SCUBE1: variants seen among roughly 807,000 people sequenced by gnomAD.
SCUBE1 encodes signal peptide, CUB and EGF-like domain-containing protein 1.
In SCUBE1, 59 loss-of-function variants were observed where a neutral mutation model predicts 124.4. The ratio of observed to expected loss-of-function variants is 0.47; its 90% confidence interval spans 0.38 to 0.59. The LOEUF (loss-of-function observed/expected upper bound fraction) is 0.59. Among genes scored for constraint, SCUBE1 ranks in the 20% least tolerant of loss-of-function variants. The probability of loss-of-function intolerance (pLI) is 0.00; values close to 1 mark genes in which losing one functional copy is unlikely to be tolerated. For synonymous variants in SCUBE1, 545 were observed against 550.9 expected (o/e 0.99, Z 0.15); for missense variants, 1,150 against 1,371.2 (o/e 0.84, Z 2.55).
chr22:43,203,996 G>C lies in SCUBE1; in HGVS notation c.*1C>G. ...CCCCCAGGCAGGGCCGCTCCCCCCG[G>C]TTATTTGTAGGGCCGCAGGAACCGA... On this transcript the variant is annotated 3_prime_UTR_variant, in exon 22 of 22. Coordinates refer to ENST00000360835, the MANE Select transcript of SCUBE1 (RefSeq NM_173050.5). The C allele has an allele frequency of 6.2e-7, 1 of 1,614,104 alleles. No homozygotes were observed. Among genetic ancestry groups the C allele is most frequent in the Non-Finnish European group, 8.5e-7 (1 of 1,179,998 alleles).
chr22:43,302,861 C>T (rs182459407), intron 3 of SCUBE1, among the ~76,000 whole-genome samples: 3 of 152,348 alleles, frequency 2.0e-5, no homozygotes, highest in South Asian at 2.1e-4. Context: ...AACGCTCCCA[C>T]GGGACGCTTA....
chr22:43,204,071 T>TGAA lies in SCUBE1; in HGVS notation c.2892_2893insTTC (p.Ser964_Lys965insPhe). 6.2e-7 allele frequency: 1 copy of TGAA among 1,614,024 alleles called. No individual in the cohort carries two copies. Among genetic ancestry groups the TGAA allele is most frequent in the South Asian group, 1.1e-5 (1 of 91,076 alleles). On this transcript the variant is annotated inframe_insertion, in exon 22 of 22. Coordinates refer to ENST00000360835, the MANE Select transcript of SCUBE1 (RefSeq NM_173050.5). ...ATGAAGGACCGTGGGAACATCTCCT[T>TGAA]GGATTCCTGGGCTGTGTACTTGAAG...
chr22:43,339,555 C>T (rs140234506), intron 1 of SCUBE1, among the ~76,000 whole-genome samples: 178 of 151,836 alleles, frequency 1.2e-3, no homozygotes, highest in African/African-American at 3.9e-3. Flanking sequence ...CCTCCTCCTC[C>T]GTCTGTCCTA....
At chr22:43,229,281 T>A (rs761542433) in intron 8 of SCUBE1, 93 bp from the exon 9 acceptor site, 1 of 892,650 alleles carries the variant, frequency 1.1e-6, no homozygotes, top group Non-Finnish European at 1.9e-6. Context: ...AAGGCACATC[T>A]GTGGACACAC....
At chr22:43,289,482 A>G (rs1427112028) in intron 4 of SCUBE1, among the ~76,000 whole-genome samples, 2 of 152,254 alleles carry the variant, frequency 1.3e-5, no homozygotes, top group African/African-American at 4.8e-5. Flanking sequence ...AGCCATGATT[A>G]GCAGGCCCGT....
intron 3 of SCUBE1, chr22:43,317,066 C>A (rs1467853396): frequency 2.0e-5 from 3 of 152,136 alleles, no homozygotes; most frequent in Non-Finnish European, 2.9e-5. Flanking sequence ...CCATAAAAAA[C>A]CAAATGGTCG....
intron 10 of SCUBE1, among the ~76,000 whole-genome samples, chr22:43,224,651 G>A (rs9623784): frequency 0.092 from 14,043 of 152,126 alleles, 940 homozygotes; most frequent in East Asian, 0.37. Context: ...TCCTCAGGGC[G>A]CTCCTGTTCT....
chr22:43,326,584 G>A (rs1249867890), intron 2 of SCUBE1, among the ~76,000 whole-genome samples: 1 of 152,152 alleles, frequency 6.6e-6, no homozygotes, highest in Admixed American at 6.5e-5. Context: ...GACAATGCCA[G>A]AAGTGGGCCC....
At chr22:43,290,396 G>C (rs12053791) in intron 4 of SCUBE1, among the ~76,000 whole-genome samples, 39,445 of 152,028 alleles carry the variant, frequency 0.26, 6,768 homozygotes, top group East Asian at 0.5. Context: ...GCCCTGAGCC[G>C]AAACTCCAGG....
At position 43,202,487 on chromosome 22, in the gene SCUBE1, G is replaced by A. The variant is rs1464862147; in HGVS notation, c.*1510C>T. ...ACAGCTCGCAGGCAGATGAAGAGCA[G>A]GCAAGGCCTCCTGGACCTCGGCATG... On this transcript the variant is annotated 3_prime_UTR_variant, in exon 22 of 22. Transcript: ENST00000360835. 1 of 152,226 alleles carries A rather than the reference G, an allele frequency of 6.6e-6. No individual in the cohort carries two copies. The highest frequency in any genetic ancestry group is 1.5e-5 in the Non-Finnish European group (1 of 68,054). 9.4% of individuals were successfully genotyped at this position (152,226 alleles called of 1,614,324 possible). A position where few individuals can be genotyped will look rare whatever the true frequency, so the allele number is the denominator to read the frequency against.
rs201636273 is a variant in SCUBE1 at position 43,223,120 on chromosome 22, G to A, written c.1304C>T (p.Pro435Leu). The A allele has an allele frequency of 8.6e-5, 134 of 1,552,252 alleles. No individual in the cohort carries two copies. The highest frequency in any genetic ancestry group is 5.1e-4 in the Middle Eastern group (3 of 5,880). Residue 435 changes from proline to leucine, a missense_variant, in exon 11 of 22, where the codon CCG becomes CTG. Pro to Leu is a moderately conservative substitution (Grantham distance 98). Coordinates refer to ENST00000360835, the MANE Select transcript of SCUBE1 (RefSeq NM_173050.5). The part of the protein sequence containing the change: ...GGVESCFLSC[P>L]AHTLFVPDSE... ...ACCTGGCACGAAGAGTGTGTGAGCC[G>A]GGCAGGAAAGGAAGCAGCTCTCCAC...
chr22:43,242,624 G>A (rs1923050505), intron 6 of SCUBE1, among the ~76,000 whole-genome samples: 1 of 152,218 alleles, frequency 6.6e-6, no homozygotes, highest in Non-Finnish European at 1.5e-5. Flanking sequence ...CACTTGTGGA[G>A]GGCGGCTCAG....
chr22:43,300,937 G>A (rs1241229617), intron 3 of SCUBE1, among the ~76,000 whole-genome samples: 2 of 152,162 alleles, frequency 1.3e-5, no homozygotes, highest in Non-Finnish European at 2.9e-5. Context: ...CTGCGGGCGT[G>A]ACAGACTTCA....
intron 20 of SCUBE1, 93 bp downstream of exon 20, chr22:43,207,979 G>C: frequency 1.4e-6 from 2 of 1,414,488 alleles, no homozygotes; most frequent in Non-Finnish European, 2.0e-6. Context: ...CCAGGTCGCA[G>C]CTCCCTGAGG....
chr22:43,259,260 C>G (rs930862313), intron 5 of SCUBE1, among the ~76,000 whole-genome samples: 1 of 152,216 alleles, frequency 6.6e-6, no homozygotes, highest in Non-Finnish European at 1.5e-5. Flanking sequence ...GACAGCTGCA[C>G]GCCCATCATC....
intron 6 of SCUBE1, among the ~76,000 whole-genome samples, chr22:43,254,115 C>T (rs1390905339): frequency 6.6e-6 from 1 of 152,272 alleles, no homozygotes; most frequent in Non-Finnish European, 1.5e-5. Flanking sequence ...CTGCCCAAGT[C>T]AACAAGACAG....
intron 10 of SCUBE1, 87 bp from the exon 11 acceptor site, chr22:43,223,303 G>C (rs1922177500): frequency 7.0e-7 from 1 of 1,425,950 alleles, no homozygotes; most frequent in African/African-American, 1.5e-5. Flanking sequence ...GGCCTAATGG[G>C]GACTCCCCCA....
intron 2 of SCUBE1, among the ~76,000 whole-genome samples, chr22:43,324,587 T>G (rs1926660029): frequency 6.6e-6 from 1 of 152,108 alleles, no homozygotes; most frequent in Admixed American, 6.5e-5. Flanking sequence ...ACTTAAGAGA[T>G]AAACACACAA....
At chr22:43,227,284 C>A in intron 10 of SCUBE1, 90 bp downstream of exon 10, 1 of 1,429,946 alleles carries the variant, frequency 7.0e-7, no homozygotes, top group Non-Finnish European at 9.5e-7. Flanking sequence ...GAGGGGCTGT[C>A]CTGCTCACCC....
Sources: gnomAD v4.1 joint callset for allele counts (sites outside exome capture counted in the v4.1 genomes callset) on GRCh38, gnomAD v4.1.1 for gene constraint, MANE v1.5 for transcripts, NCBI Gene and HGNC (gene_info 2026-07-23, HGNC 2026-07-21) for gene names.